RANBP2: variants seen among roughly 807,000 people sequenced by gnomAD.
RANBP2 encodes the protein E3 SUMO-protein ligase RanBP2.
In RANBP2, 57 loss-of-function variants were observed where a neutral mutation model predicts 303.6. The observed-to-expected ratio is 0.19, with a 90% CI of 0.15 to 0.23. The LOEUF (loss-of-function observed/expected upper bound fraction) is 0.23. Ranked by LOEUF, RANBP2 falls within the 10% of genes least tolerant of loss-of-function variation. The pLI, the probability that RANBP2 is intolerant of heterozygous loss-of-function variation, is 1.00. For missense variants in RANBP2, 3,138 were observed against 3,780.8 expected (o/e 0.83, Z 4.46); for synonymous variants, 1,167 against 1,301.5 (o/e 0.90, Z 2.23).
chr2:109,173,922 C>T, the RANBP2 span, among the ~76,000 whole-genome samples: 2 of 152,198 alleles, frequency 1.3e-5, no homozygotes, highest in Admixed American at 6.5e-5. Context: ...CGGTGTGGGC[C>T]AATTCTTATG....
At chr2:109,395,502 G>A in the RANBP2 span, among the ~76,000 whole-genome samples, 3 of 152,138 alleles carry the variant, frequency 2.0e-5, no homozygotes, top group African/African-American at 7.2e-5. Context: ...TCTTCTTTGA[G>A]GCAGGAGCTC....
the RANBP2 span, among the ~76,000 whole-genome samples, chr2:109,529,906 C>T: frequency 6.6e-6 from 1 of 152,214 alleles, no homozygotes; most frequent in African/African-American, 2.4e-5. Flanking sequence ...TCTCCCCACA[C>T]TGCTGTTTCT....
At chr2:109,008,419 C>T in the RANBP2 span, among the ~76,000 whole-genome samples, 13 of 152,116 alleles carry the variant, frequency 8.5e-5, no homozygotes, top group African/African-American at 3.1e-4. Context: ...AACCAGCAAA[C>T]ACTGCACCCC....
the RANBP2 span, among the ~76,000 whole-genome samples, chr2:109,326,499 C>T: frequency 9.5e-4 from 144 of 152,236 alleles, 1 homozygote; most frequent in African/African-American, 3.4e-3. Flanking sequence ...GCGCCCTTGC[C>T]GACACTTGCT....
At chr2:109,245,937 C>CA in the RANBP2 span, among the ~76,000 whole-genome samples, 1,122 of 150,858 alleles carry the variant, frequency 7.4e-3, 8 homozygotes, top group South Asian at 0.023. Flanking sequence ...TTTGAGGGAA[C>CA]AAAAAAAAAT....
chr2:109,426,965 T>C, the RANBP2 span, among the ~76,000 whole-genome samples: 1 of 101,416 alleles, frequency 9.9e-6, no homozygotes, highest in Non-Finnish European at 1.9e-5. Flanking sequence ...GGCAATAAAA[T>C]ATATATATAT....
At chr2:109,316,177 T>C in the RANBP2 span, among the ~76,000 whole-genome samples, 1 of 152,152 alleles carries the variant, frequency 6.6e-6, no homozygotes, top group Non-Finnish European at 1.5e-5. Context: ...TTTGCTGAAC[T>C]TTTGGGCCTG....
chr2:109,380,696 C>T, the RANBP2 span, among the ~76,000 whole-genome samples: 6 of 152,168 alleles, frequency 3.9e-5, no homozygotes, highest in African/African-American at 1.4e-4. Flanking sequence ...CAGGGCCTGG[C>T]GAAGGGGCAC....
At chr2:109,656,475 T>C in the RANBP2 span, among the ~76,000 whole-genome samples, 1 of 152,168 alleles carries the variant, frequency 6.6e-6, no homozygotes, top group Admixed American at 6.5e-5. Context: ...GTAGCTGGGA[T>C]CACAGGTATG....
the RANBP2 span, among the ~76,000 whole-genome samples, chr2:109,465,202 GTTTA>G: frequency 6.6e-6 from 1 of 152,192 alleles, no homozygotes; most frequent in Non-Finnish European, 1.5e-5. Flanking sequence ...ATGTACCACA[GTTTA>G]TTTATCCATT....
the RANBP2 span, among the ~76,000 whole-genome samples, chr2:108,975,371 G>A: frequency 6.6e-6 from 1 of 152,354 alleles, no homozygotes; most frequent in African/African-American, 2.4e-5. Flanking sequence ...GCTTGTGGGT[G>A]CAGCTCAGCC....
At chr2:109,520,988 G>A in the RANBP2 span, among the ~76,000 whole-genome samples, 1 of 151,394 alleles carries the variant, frequency 6.6e-6, no homozygotes, top group African/African-American at 2.4e-5. Flanking sequence ...CTAGCACTTT[G>A]ATAGGCCGAG....
At chr2:109,433,545 G>C in the RANBP2 span, among the ~76,000 whole-genome samples, 1 of 152,218 alleles carries the variant, frequency 6.6e-6, no homozygotes, top group African/African-American at 2.4e-5. Context: ...ACACAGAAGC[G>C]AAAGACGTGG....
At chr2:108,794,105 A>T in the RANBP2 span, among the ~76,000 whole-genome samples, 1 of 152,212 alleles carries the variant, frequency 6.6e-6, no homozygotes, top group Non-Finnish European at 1.5e-5. Context: ...ATAAAATATA[A>T]AAGGCAAAAC....
chr2:109,292,959 T>C, the RANBP2 span, among the ~76,000 whole-genome samples: 1 of 152,186 alleles, frequency 6.6e-6, no homozygotes, highest in African/African-American at 2.4e-5. Context: ...CTCGAACTCC[T>C]GACTTCAGGT....
chr2:108,970,354 T>A, the RANBP2 span, among the ~76,000 whole-genome samples: 1 of 152,048 alleles, frequency 6.6e-6, no homozygotes, highest in African/African-American at 2.4e-5. Flanking sequence ...AATCTGCAAA[T>A]GGTGTGTAAA....
At chr2:108,777,571 A>G (rs943293894) in intron 25 of RANBP2, among the ~76,000 whole-genome samples, 1 of 152,058 alleles carries the variant, frequency 6.6e-6, no homozygotes, top group African/African-American at 2.4e-5. Flanking sequence ...TTGTGAGTTT[A>G]TACTTTTTAA....
At chr2:109,684,555 A>T in the RANBP2 span, among the ~76,000 whole-genome samples, 10 of 126,528 alleles carry the variant, frequency 7.9e-5, no homozygotes, top group East Asian at 2.0e-3. Flanking sequence ...TTTTTTTGAG[A>T]TGGAACCTTG....
At chr2:108,825,556 T>G in the RANBP2 span, among the ~76,000 whole-genome samples, 1 of 152,180 alleles carries the variant, frequency 6.6e-6, no homozygotes, top group Non-Finnish European at 1.5e-5. Context: ...ATAAACAGAT[T>G]CGTACAATAC....
Sources: gnomAD v4.1 joint callset for allele counts (sites outside exome capture counted in the v4.1 genomes callset) on GRCh38, gnomAD v4.1.1 for gene constraint, MANE v1.5 for transcripts, NCBI Gene and HGNC (gene_info 2026-07-23, HGNC 2026-07-21) for gene names.